Variants in GLI3 observed in about 807,000 individuals in gnomAD.
The protein encoded by GLI3 is GLI family zinc finger 3.
GLI3 carries 20 observed loss-of-function variants against 100.8 expected under a neutral mutation model. The observed-to-expected ratio is 0.20, with a 90% CI of 0.14 to 0.29. GLI3 has a LOEUF of 0.29. GLI3 is among the 10% of genes least tolerant of loss of function. The probability of loss-of-function intolerance (pLI) is 1.00; values close to 1 mark genes in which losing one functional copy is unlikely to be tolerated. For missense variants in GLI3, 2,040 were observed against 2,128.5 expected, an observed-to-expected ratio of 0.96 and a Z score of 0.82; for synonymous variants, 938 against 860.5, an observed-to-expected ratio of 1.09 and a Z score of -1.58.
At chr7:42,129,240 A>G (rs2128775865) in intron 3 of GLI3, among the ~76,000 whole-genome samples, 1 of 152,338 alleles carries the variant, frequency 6.6e-6, no homozygotes, top group South Asian at 2.1e-4. Context: ...TATATATGAG[A>G]AAATGGGGGC....
Position 41,967,660 on chromosome 7 carries a change from C to T in GLI3, c.2367G>A (p.Met789Ile), listed in dbSNP as rs775993446. 21 of 1,614,036 alleles carry T rather than the reference C, an allele frequency of 1.3e-5. No individual in the cohort carries two copies. Among genetic ancestry groups the T allele is most frequent in the Non-Finnish European group, 1.8e-5 (21 of 1,180,012 alleles). Residue 789 changes from methionine to isoleucine, a missense_variant, in exon 14 of 15, where the codon ATG (methionine) becomes ATA (isoleucine). Met to Ile is a conservative substitution (Grantham distance 10). Coordinates refer to ENST00000395925, the MANE Select transcript of GLI3 (RefSeq NM_000168.6). ...GTAGAATGGGGTTCAGTCGCGGAAA[C>T]ATTCCATTCACTTGTTTTAGCCTTT... ...KLERLKQVNG[M>I]FPRLNPILPP...
At chr7:42,084,600 G>A (rs1042179308) in intron 3 of GLI3, among the ~76,000 whole-genome samples, 4 of 152,168 alleles carry the variant, frequency 2.6e-5, no homozygotes, top group African/African-American at 9.7e-5. Context: ...CAGGATAAGA[G>A]AGAAGAAATA....
chr7:42,033,676 A>G (rs1789358134), intron 7 of GLI3, among the ~76,000 whole-genome samples: 1 of 152,234 alleles, frequency 6.6e-6, no homozygotes, highest in Admixed American at 6.5e-5. Context: ...CTCTGGTTAC[A>G]GCTGTGGAAT....
chr7:42,127,427 A>G (rs910954868), intron 3 of GLI3, among the ~76,000 whole-genome samples: 34 of 152,340 alleles, frequency 2.2e-4, no homozygotes, highest in African/African-American at 8.2e-4. Flanking sequence ...CCTCTTCTCA[A>G]TGAGATCTGA....
At chr7:42,211,418 G>C (rs951041499) in intron 2 of GLI3, among the ~76,000 whole-genome samples, 1 of 152,138 alleles carries the variant, frequency 6.6e-6, no homozygotes, top group Non-Finnish European at 1.5e-5. Context: ...TTGAAAACAA[G>C]CCTAGAAACA....
chr7:42,090,998 C>T (rs1220526762), intron 3 of GLI3, among the ~76,000 whole-genome samples: 1 of 152,230 alleles, frequency 6.6e-6, no homozygotes, highest in African/African-American at 2.4e-5. Context: ...CTACAGTGCT[C>T]TGTAAGCTAC....
chr7:42,022,819 C>T (rs1788982131), intron 10 of GLI3, among the ~76,000 whole-genome samples: 1 of 152,182 alleles, frequency 6.6e-6, no homozygotes, highest in Non-Finnish European at 1.5e-5. Flanking sequence ...AAATGATATG[C>T]AGGAGAGTGT....
At chr7:42,092,778 T>C (rs78268078) in intron 3 of GLI3, among the ~76,000 whole-genome samples, 4,913 of 151,926 alleles carry the variant, frequency 0.032, 90 homozygotes, top group African/African-American at 0.049. Context: ...TCTTTTATTT[T>C]ATTTCATTTT....
chr7:42,143,040 T>A (rs1786611115), intron 3 of GLI3, among the ~76,000 whole-genome samples: 1 of 152,094 alleles, frequency 6.6e-6, no homozygotes, highest in Admixed American at 6.5e-5. Context: ...CTATTGAATT[T>A]CTAAGAGAAA....
At chr7:42,202,080 C>CA (rs35682171) in intron 2 of GLI3, among the ~76,000 whole-genome samples, 39,308 of 92,004 alleles carry the variant, frequency 0.43, 8,433 homozygotes, top group East Asian at 0.66. Context: ...GACTCCGTCT[C>CA]AAAAAAAAAA....
intron 2 of GLI3, among the ~76,000 whole-genome samples, chr7:42,202,346 T>TCACA (rs59941465): frequency 3.5e-5 from 4 of 115,248 alleles, no homozygotes; most frequent in Non-Finnish European, 5.4e-5. Flanking sequence ...TCTCTCTCTC[T>TCACA]CACACACACA....
At chr7:42,173,962 T>C (rs1439919878) in intron 2 of GLI3, among the ~76,000 whole-genome samples, 1 of 152,228 alleles carries the variant, frequency 6.6e-6, no homozygotes, top group East Asian at 1.9e-4. Flanking sequence ...TGGCCTGCTA[T>C]GTTAATTCTA....
At chr7:42,249,144 C>A (rs753064625) in intron 1 of GLI3, among the ~76,000 whole-genome samples, 1 of 152,156 alleles carries the variant, frequency 6.6e-6, no homozygotes, top group Non-Finnish European at 1.5e-5. Flanking sequence ...CAAAAACATT[C>A]CGTTAGTACA....
intron 5 of GLI3, among the ~76,000 whole-genome samples, chr7:42,047,544 T>C (rs1390219659): frequency 2.0e-5 from 3 of 152,328 alleles, no homozygotes; most frequent in East Asian, 3.9e-4. Context: ...GGACCTTGAT[T>C]CAGATTCCAG....
chr7:41,989,572 T>C (rs1787926865), intron 10 of GLI3, among the ~76,000 whole-genome samples: 1 of 152,160 alleles, frequency 6.6e-6, no homozygotes, highest in Non-Finnish European at 1.5e-5. Context: ...TCCATTGCAA[T>C]TGCATTTATA....
rs1297468304 is a variant in GLI3 at position 41,962,173 on chromosome 7, A to T, written c.*2157T>A. 3 of 152,164 alleles carry T rather than the reference A, an allele frequency of 2.0e-5. No homozygotes were observed. Among genetic ancestry groups the T allele is most frequent in the African/African-American group, 7.2e-5 (3 of 41,446 alleles). The allele number at this position is 152,164 out of a possible 1,614,324, so 9.4% of individuals were successfully genotyped here. On this transcript the variant is annotated 3_prime_UTR_variant, in exon 15 of 15. Coordinates refer to ENST00000395925, the MANE Select transcript of GLI3 (RefSeq NM_000168.6). ...AGAATACTACTGGAAGAGCCCTCTG[A>T]TGGAGGAGGTCAGCATGGTCCCTTC...
rs770986696 is a variant in GLI3, at chr7:42,045,374, C to A, written c.826+10G>T. 6.2e-7 allele frequency: 1 copy of A among 1,612,892 alleles called. No individual in the cohort carries two copies. Among genetic ancestry groups the A allele is most frequent in the Non-Finnish European group, 8.5e-7 (1 of 1,178,988 alleles). On this transcript the variant is annotated intron_variant, in intron 6 of 14. Coordinates refer to ENST00000395925, the MANE Select transcript of GLI3 (RefSeq NM_000168.6). ...TTCCCAAGACTCTAGAAACCAGCCC[C>A]GTCACTTACTATCCATAGCATGAAG...
At chr7:42,257,794 C>T (rs1054616106) in intron 1 of GLI3, among the ~76,000 whole-genome samples, 1 of 152,042 alleles carries the variant, frequency 6.6e-6, no homozygotes, top group Admixed American at 6.6e-5. Context: ...GCTTTTTCTA[C>T]ATCTATTAAG....
At chr7:41,967,457 A>G in intron 14 of GLI3, 139 bp downstream of exon 14, 1 of 710,882 alleles carries the variant, frequency 1.4e-6, no homozygotes, top group South Asian at 1.8e-5. Flanking sequence ...GGCAACTTGA[A>G]TGGGCTAAAC....
Sources: gnomAD v4.1 joint callset for allele counts (sites outside exome capture counted in the v4.1 genomes callset) on GRCh38, gnomAD v4.1.1 for gene constraint, MANE v1.5 for transcripts, NCBI Gene and HGNC (gene_info 2026-07-23, HGNC 2026-07-21) for gene names.